The following EPB41L5 variants were observed in gnomAD, a reference collection of about 807,000 sequenced individuals.
The protein encoded by EPB41L5 is erythrocyte membrane protein band 4.1 like 5, also known as band 4.1-like protein 5.
A neutral mutation model predicts 106.6 loss-of-function variants in EPB41L5; 55 were observed. The observed-to-expected ratio is 0.52, with a 90% CI of 0.42 to 0.65. The LOEUF is 0.65. EPB41L5 is among the 30% of genes least tolerant of loss of function. EPB41L5 has a pLI of 0.00. For missense variants in EPB41L5, 871 were observed against 882.1 expected (o/e 0.99, Z 0.16); for synonymous variants, 297 against 306.7 (o/e 0.97, Z 0.33).
chr2:120,050,417 A>G (rs560544355), intron 3 of EPB41L5, among the ~76,000 whole-genome samples: 159 of 152,224 alleles, frequency 1.0e-3, no homozygotes, highest in Non-Finnish European at 1.4e-3. Context: ...TTGATCTTCA[A>G]TCACTGATAC....
intron 3 of EPB41L5, among the ~76,000 whole-genome samples, chr2:120,046,656 T>C (rs937406045): frequency 6.6e-6 from 1 of 152,152 alleles, no homozygotes; most frequent in African/African-American, 2.4e-5. Context: ...AGAAGCTCTT[T>C]AGTTTAATTA....
intron 18 of EPB41L5, 145 bp downstream of exon 18, chr2:120,131,860 A>G: frequency 1.6e-6 from 1 of 614,894 alleles, no homozygotes; most frequent in Non-Finnish European, 2.9e-6. Flanking sequence ...CTCATTTTAA[A>G]GGGTGAAATA....
chr2:120,151,305 A>G (rs1686662476), intron 20 of EPB41L5, among the ~76,000 whole-genome samples: 1 of 151,714 alleles, frequency 6.6e-6, no homozygotes, highest in African/African-American at 2.4e-5. Context: ...ATCTCAAAAA[A>G]TAATAATAAT....
chr2:120,136,743 A>G (rs1340558166), intron 18 of EPB41L5, among the ~76,000 whole-genome samples: 4 of 152,100 alleles, frequency 2.6e-5, no homozygotes, highest in African/African-American at 7.2e-5. Flanking sequence ...GTACCCAGAT[A>G]TGTAGAGCAG....
At chr2:120,015,180 A>T (rs1677430983) in intron 1 of EPB41L5, among the ~76,000 whole-genome samples, 1 of 152,132 alleles carries the variant, frequency 6.6e-6, no homozygotes, top group African/African-American at 2.4e-5. Flanking sequence ...ACAAAAAATT[A>T]GCCGGTCGTA....
chr2:120,163,679 G>C (rs531251795), intron 21 of EPB41L5, among the ~76,000 whole-genome samples: 2 of 151,146 alleles, frequency 1.3e-5, no homozygotes, highest in Non-Finnish European at 2.9e-5. Flanking sequence ...AAAAGGCTGG[G>C]CACAGTGGCT....
chr2:120,166,691 C>G (rs1687427597), intron 22 of EPB41L5, among the ~76,000 whole-genome samples: 1 of 152,256 alleles, frequency 6.6e-6, no homozygotes, highest in Non-Finnish European at 1.5e-5. Flanking sequence ...CCACCTCGCC[C>G]TCTCAAAATG....
intron 17 of EPB41L5, among the ~76,000 whole-genome samples, chr2:120,130,749 C>T (rs1355411649): frequency 6.6e-6 from 1 of 152,234 alleles, no homozygotes; most frequent in Non-Finnish European, 1.5e-5. Context: ...ATGAGCGTTT[C>T]TTGAAAGCTC....
chr2:120,070,541 A>C (rs1574587942), intron 3 of EPB41L5, among the ~76,000 whole-genome samples: 1 of 151,410 alleles, frequency 6.6e-6, no homozygotes, highest in Non-Finnish European at 1.5e-5. Context: ...CAACAAAAGA[A>C]AATTTCAGGC....
At chr2:120,093,923 A>C (rs955928621) in intron 14 of EPB41L5, among the ~76,000 whole-genome samples, 1 of 152,092 alleles carries the variant, frequency 6.6e-6, no homozygotes, top group Non-Finnish European at 1.5e-5. Context: ...CTTTATGTGA[A>C]TCTTAAAAAT....
chr2:120,124,536 C>A (rs1685372858), intron 16 of EPB41L5, among the ~76,000 whole-genome samples: 4 of 152,128 alleles, frequency 2.6e-5, no homozygotes, highest in African/African-American at 9.7e-5. Flanking sequence ...CATGACGTTA[C>A]TTCATTCCTA....
At chr2:120,027,200 C>T (rs532521270) in intron 2 of EPB41L5, among the ~76,000 whole-genome samples, 32 of 152,146 alleles carry the variant, frequency 2.1e-4, no homozygotes, top group Non-Finnish European at 4.4e-4. Context: ...AGGTATATCT[C>T]CAAGAGAATG....
intron 7 of EPB41L5, among the ~76,000 whole-genome samples, chr2:120,076,642 G>A (rs939340964): frequency 6.6e-5 from 10 of 151,674 alleles, no homozygotes; most frequent in Admixed American, 1.3e-4. Context: ...GTCTTTTAAC[G>A]ATTGCTAAAT....
chr2:120,062,675 A>G (rs938832), intron 3 of EPB41L5, among the ~76,000 whole-genome samples: 7,180 of 152,312 alleles, frequency 0.047, 248 homozygotes, highest in Admixed American at 0.096. Flanking sequence ...TGAATATTCA[A>G]TAATTCATTT....
intron 21 of EPB41L5, among the ~76,000 whole-genome samples, chr2:120,162,941 C>T (rs1351146645): frequency 6.6e-6 from 1 of 152,086 alleles, no homozygotes. Context: ...GACCTGAAGG[C>T]ATATAAGCAG....
chr2:120,034,790 T>C (rs1347068849), intron 2 of EPB41L5, among the ~76,000 whole-genome samples: 1 of 152,130 alleles, frequency 6.6e-6, no homozygotes, highest in Non-Finnish European at 1.5e-5. Context: ...CCTTAAGACC[T>C]GGAGGTCAAG....
chr2:120,163,621 A>G (rs1687242569), intron 21 of EPB41L5, among the ~76,000 whole-genome samples: 2 of 143,642 alleles, frequency 1.4e-5, no homozygotes, highest in South Asian at 4.3e-4. Flanking sequence ...AGTTCAAAGT[A>G]TGATATTACC....
chr2:120,085,604 C>T (rs765172259), intron 10 of EPB41L5, among the ~76,000 whole-genome samples: 3 of 152,142 alleles, frequency 2.0e-5, no homozygotes, highest in African/African-American at 7.2e-5. Flanking sequence ...TCTCAAACTC[C>T]GTGCTGAGAG....
chr2:120,022,050 T>A (rs919536278), intron 2 of EPB41L5, among the ~76,000 whole-genome samples: 13 of 152,238 alleles, frequency 8.5e-5, no homozygotes, highest in African/African-American at 3.1e-4. Flanking sequence ...ATCTAATTTT[T>A]AAGTTTTTTC....
Sources: allele counts gnomAD v4.1 joint callset (sites outside exome capture counted in the v4.1 genomes callset), GRCh38; gene constraint gnomAD v4.1.1; transcripts MANE v1.5; gene names NCBI Gene and HGNC (gene_info 2026-07-23, HGNC 2026-07-21).